FTO: variants seen among roughly 807,000 people sequenced by gnomAD.
FTO encodes alpha-ketoglutarate-dependent dioxygenase FTO.
FTO carries 47 observed loss-of-function variants against 63.9 expected under a neutral mutation model. The observed-to-expected ratio is 0.74, with a 90% CI of 0.58 to 0.94. FTO has a LOEUF of 0.94. Ranked by LOEUF, FTO falls within the 40% of genes least tolerant of loss-of-function variation. FTO has a pLI of 0.00. For synonymous variants in FTO, 207 were observed against 224.4 expected (o/e 0.92, Z 0.69); for missense variants, 562 against 618.1 (o/e 0.91, Z 0.96).
intron 8 of FTO, among the ~76,000 whole-genome samples, chr16:54,004,121 GATA>G (rs1287553739): frequency 5.3e-5 from 8 of 152,104 alleles, no homozygotes; most frequent in Non-Finnish European, 1.2e-4. Flanking sequence ...CTGGATAATA[GATA>G]ATTATTATTG....
intron 3 of FTO, among the ~76,000 whole-genome samples, chr16:53,842,485 C>T (rs1040277763): frequency 5.9e-5 from 9 of 152,010 alleles, no homozygotes; most frequent in African/African-American, 1.9e-4. Flanking sequence ...AGTGTGTATA[C>T]CTTCTACCTT....
rs181583257 is a variant in FTO at position 53,985,063 on chromosome 16, A to G, written c.1364+50954A>G. The G allele has an allele frequency of 2.4e-5, 11 of 449,160 alleles. No homozygotes were observed. The East Asian group carries it at 7.0e-4, about 28-fold the overall frequency. The allele number at this position is 449,160 out of a possible 1,614,324, so 27.8% of individuals were successfully genotyped here. The stretch of plus-strand genomic sequence containing the variant: ...ATTTCTGGCCTCTGGCAAGAGTGGT[A>G]CAAGGTTACCTGTTTGTTCCAGTAT... On this transcript the variant is annotated intron_variant, in intron 8 of 8. Transcript: ENST00000471389.
At chr16:53,709,191 T>C (rs1304014740) in intron 1 of FTO, among the ~76,000 whole-genome samples, 1 of 152,268 alleles carries the variant, frequency 6.6e-6, no homozygotes, top group Non-Finnish European at 1.5e-5. Flanking sequence ...TGATTGCTTA[T>C]GCTATGGACT....
At chr16:53,824,007 T>C (rs986599029) in intron 2 of FTO, among the ~76,000 whole-genome samples, 3 of 152,260 alleles carry the variant, frequency 2.0e-5, no homozygotes, top group South Asian at 2.1e-4. Context: ...TATCTTTGTC[T>C]CTATTTTAGT....
At chr16:54,111,731 G>T in intron 8 of FTO, 31 bp from the exon 9 acceptor site, 1 of 1,613,784 alleles carries the variant, frequency 6.2e-7, no homozygotes, top group Admixed American at 1.7e-5. Flanking sequence ...GTTTCCTCCC[G>T]TGGATTAATT....
At chr16:53,957,479 A>G (rs2082957475) in intron 8 of FTO, among the ~76,000 whole-genome samples, 1 of 152,192 alleles carries the variant, frequency 6.6e-6, no homozygotes, top group Non-Finnish European at 1.5e-5. Flanking sequence ...CTAAGACCCT[A>G]TCCAAGGTTC....
At chr16:53,739,222 T>TTATC (rs1292500452) in intron 1 of FTO, among the ~76,000 whole-genome samples, 2 of 151,100 alleles carry the variant, frequency 1.3e-5, no homozygotes, top group Non-Finnish European at 2.9e-5. Flanking sequence ...ATTTATTTAT[T>TTATC]TGAGACGGAG....
At chr16:54,106,900 A>G (rs1413877432) in intron 8 of FTO, among the ~76,000 whole-genome samples, 4 of 140,764 alleles carry the variant, frequency 2.8e-5, no homozygotes, top group Admixed American at 1.5e-4. Context: ...ATATAAATAT[A>G]TAATACACGA....
chr16:53,838,333 T>C (rs1355782158), intron 3 of FTO, among the ~76,000 whole-genome samples: 1 of 152,156 alleles, frequency 6.6e-6, no homozygotes, highest in African/African-American at 2.4e-5. Context: ...TTTTTTGAGA[T>C]GGAGTCTTGC....
chr16:53,792,698 T>C (rs2077956664), intron 1 of FTO, among the ~76,000 whole-genome samples: 1 of 152,218 alleles, frequency 6.6e-6, no homozygotes, highest in African/African-American at 2.4e-5. Context: ...CTCTATCCTC[T>C]GAACCTTGAG....
chr16:53,887,135 TTAAG>T (rs1201698066), intron 6 of FTO, among the ~76,000 whole-genome samples: 1 of 152,220 alleles, frequency 6.6e-6, no homozygotes, highest in Non-Finnish European at 1.5e-5. Flanking sequence ...CTGAACTAGC[TTAAG>T]TAAGAACAGC....
chr16:53,813,814 A>G (rs2078600088), intron 2 of FTO, among the ~76,000 whole-genome samples: 1 of 152,094 alleles, frequency 6.6e-6, no homozygotes, highest in Admixed American at 6.5e-5. Flanking sequence ...AGCCTCATTC[A>G]TTGTATTCAG....
At chr16:53,879,344 A>G (rs1202755185) in intron 5 of FTO, among the ~76,000 whole-genome samples, 6 of 152,204 alleles carry the variant, frequency 3.9e-5, no homozygotes, top group Non-Finnish European at 5.9e-5. Context: ...CTGGCAGCAC[A>G]GAGCCCAGTG....
intron 1 of FTO, among the ~76,000 whole-genome samples, chr16:53,720,635 ATATATAAAATATATATATATCTTT>A (rs2076016373): frequency 6.9e-6 from 1 of 144,800 alleles, no homozygotes; most frequent in African/African-American, 2.6e-5. Context: ...TATCTTTTAT[ATATATAAAATATATATATATCTTT>A]TATATATATA....
chr16:54,058,238 AG>A (rs1304414951), intron 8 of FTO, among the ~76,000 whole-genome samples: 1 of 152,044 alleles, frequency 6.6e-6, no homozygotes, highest in East Asian at 1.9e-4. Flanking sequence ...CAGCCTCCCA[AG>A]TAGCTGGGAC....
intron 8 of FTO, among the ~76,000 whole-genome samples, chr16:53,975,750 T>C (rs538539647): frequency 6.6e-6 from 1 of 152,326 alleles, no homozygotes; most frequent in South Asian, 2.1e-4. Flanking sequence ...AAATTACTAT[T>C]TTTTGTAGAT....
At chr16:53,789,129 G>T (rs2077828283) in intron 1 of FTO, among the ~76,000 whole-genome samples, 1 of 152,106 alleles carries the variant, frequency 6.6e-6, no homozygotes, top group South Asian at 2.1e-4. Flanking sequence ...TTTCAGCCTG[G>T]ATTGAATTTT....
chr16:53,958,923 G>A lies in FTO; in HGVS notation c.1364+24814G>A, dbSNP rs117511265. On this transcript the variant is annotated intron_variant, in intron 8 of 8. Coordinates refer to ENST00000471389, the MANE Select transcript of FTO (RefSeq NM_001080432.3). ...AAGACAGGGTCTCTGCCCTCAGGAAGCTTAAACTCAGAAGAATACCACTAA... is the reference window on the plus strand; with the variant it reads ...AAGACAGGGTCTCTGCCCTCAGGAAACTTAAACTCAGAAGAATACCACTAA... 7.2e-5 allele frequency among the ~76,000 whole-genome samples: 11 copies of A among 152,268 alleles called. No homozygotes were observed. The East Asian group carries it at 1.4e-3, about 19-fold the overall frequency.
chr16:54,083,121 A>G lies in FTO; in HGVS notation c.1365-28641A>G, dbSNP rs967712415. On this transcript the variant is annotated intron_variant, in intron 8 of 8. Transcript: ENST00000471389. ...AATTGAACAGAAAATTATGGGGGGA[A>G]AAGAAAGCATTTGTAGCAGACTTTA... is the stretch of plus-strand genomic sequence containing the variant. Among the ~76,000 whole-genome samples, 9 of 152,178 alleles carry G rather than the reference A, an allele frequency of 5.9e-5. No individual in the cohort carries two copies. The East Asian group carries it at 1.7e-3, about 29-fold the overall frequency.
Sources: gnomAD v4.1 joint callset for allele counts (sites outside exome capture counted in the v4.1 genomes callset) on GRCh38, gnomAD v4.1.1 for gene constraint, MANE v1.5 for transcripts, NCBI Gene and HGNC (gene_info 2026-07-23, HGNC 2026-07-21) for gene names.